SLC14A2: variants seen among roughly 807,000 people sequenced by gnomAD.
SLC14A2 encodes the protein solute carrier family 14 member 2.
A neutral mutation model predicts 104.6 loss-of-function variants in SLC14A2; 91 were observed. The observed-to-expected ratio is 0.87, with a 90% CI of 0.73 to 1.04. The LOEUF (loss-of-function observed/expected upper bound fraction) is 1.04. SLC14A2 is among the 50% of genes least tolerant of loss of function. The pLI is 0.00. For synonymous variants in SLC14A2, 476 were observed against 466.4 expected (o/e 1.02, Z -0.27); for missense variants, 1,189 against 1,156.0 (o/e 1.03, Z -0.41).
intron 2 of SLC14A2, among the ~76,000 whole-genome samples, chr18:45,537,625 A>T (rs2043814947): frequency 1.3e-5 from 2 of 152,206 alleles, no homozygotes; most frequent in African/African-American, 4.8e-5. Context: ...CTGTGAAATG[A>T]GGAAGCCATT....
At chr18:45,269,810 A>G (rs951554247) in intron 1 of SLC14A2, among the ~76,000 whole-genome samples, 1 of 152,220 alleles carries the variant, frequency 6.6e-6, no homozygotes, top group African/African-American at 2.4e-5. Context: ...GTTTGAGTCC[A>G]ACTGTATGAA....
intron 1 of SLC14A2, among the ~76,000 whole-genome samples, chr18:45,362,933 TGAG>T (rs2085627341): frequency 6.6e-6 from 1 of 152,072 alleles, no homozygotes; most frequent in South Asian, 2.1e-4. Flanking sequence ...AGATCTGCCA[TGAG>T]ACTGGAGCTC....
intron 1 of SLC14A2, among the ~76,000 whole-genome samples, chr18:45,295,920 G>T (rs532299369): frequency 2.0e-5 from 3 of 152,204 alleles, no homozygotes; most frequent in East Asian, 1.9e-4. Flanking sequence ...GACCTCAAGA[G>T]GCTGTTGTGA....
At chr18:45,583,625 C>A (rs1024139455) in intron 2 of SLC14A2, among the ~76,000 whole-genome samples, 17 of 151,892 alleles carry the variant, frequency 1.1e-4, no homozygotes, top group African/African-American at 4.1e-4. Flanking sequence ...AAGAAAGCAC[C>A]CAAAACTCCC....
At position 45,569,494 on chromosome 18, in the gene SLC14A2, A is replaced by G. The variant is rs940240995; in HGVS notation, c.-34-55137A>G. Among the ~76,000 whole-genome samples, 6 of 152,370 alleles carry G rather than the reference A, an allele frequency of 3.9e-5. 1 individual carries two copies. Among genetic ancestry groups the G allele is most frequent in the Admixed American group, 6.5e-5 (1 of 15,308 alleles). On this transcript the variant is annotated intron_variant, in intron 2 of 20. Transcript: ENST00000586448. ...TTAGAGATCCAATGCCATAAAAAGC[A>G]ACTCAAGGTATATTTAATTCAGACT...
At chr18:45,495,393 AT>A (rs2144742785) in intron 2 of SLC14A2, among the ~76,000 whole-genome samples, 2 of 152,330 alleles carry the variant, frequency 1.3e-5, no homozygotes, top group African/African-American at 4.8e-5. Flanking sequence ...GCATATTTCT[AT>A]TTTAAATTAA....
At chr18:45,352,060 A>G (rs531792501) in intron 1 of SLC14A2, among the ~76,000 whole-genome samples, 13 of 152,196 alleles carry the variant, frequency 8.5e-5, no homozygotes, top group Non-Finnish European at 1.8e-4. Context: ...AGTCGTGGAC[A>G]GGGCTGTGGT....
At chr18:45,410,977 A>G (rs2086208958) in intron 1 of SLC14A2, among the ~76,000 whole-genome samples, 1 of 152,222 alleles carries the variant, frequency 6.6e-6, no homozygotes, top group Non-Finnish European at 1.5e-5. Context: ...GATGGACCCT[A>G]GGTTCTATTT....
intron 1 of SLC14A2, among the ~76,000 whole-genome samples, chr18:45,617,895 G>A (rs943877261): frequency 2.0e-5 from 3 of 152,194 alleles, no homozygotes; most frequent in East Asian, 3.9e-4. Flanking sequence ...AGAGTCTGGG[G>A]TTGTGTTTGG....
chr18:45,560,709 T>C (rs959456070), intron 2 of SLC14A2, among the ~76,000 whole-genome samples: 1 of 152,192 alleles, frequency 6.6e-6, no homozygotes, highest in African/African-American at 2.4e-5. Context: ...CTTGATCTTC[T>C]CTGAAATGAA....
intron 1 of SLC14A2, among the ~76,000 whole-genome samples, chr18:45,452,011 T>A (rs994745700): frequency 4.0e-5 from 6 of 151,852 alleles, no homozygotes; most frequent in Non-Finnish European, 8.8e-5. Flanking sequence ...AGACAAATCA[T>A]CTTTCAATGC....
intron 1 of SLC14A2, among the ~76,000 whole-genome samples, chr18:45,285,674 C>G (rs965704211): frequency 8.4e-6 from 1 of 119,616 alleles, no homozygotes; most frequent in Non-Finnish European, 1.9e-5. Context: ...CCCCCCCCCC[C>G]TCGGCCTCCC....
intron 1 of SLC14A2, among the ~76,000 whole-genome samples, chr18:45,236,305 G>GTA (rs778102238): frequency 1.4e-3 from 45 of 33,014 alleles, no homozygotes; most frequent in Admixed American, 2.2e-3. Context: ...ATGTATGTGT[G>GTA]TATATGTGTA....
intron 1 of SLC14A2, among the ~76,000 whole-genome samples, chr18:45,395,512 CACAG>C (rs2086019618): frequency 6.6e-6 from 1 of 152,192 alleles, no homozygotes; most frequent in Non-Finnish European, 1.5e-5. Context: ...CTGTTCTGTA[CACAG>C]ACAAATTTGT....
upstream of SLC14A2, among the ~76,000 whole-genome samples, chr18:45,610,619 G>C (rs1020859292): frequency 6.6e-6 from 1 of 152,162 alleles, no homozygotes; most frequent in Non-Finnish European, 1.5e-5. Context: ...GAACTAAAAG[G>C]AACCCCTGTC....
chr18:45,183,101 A>G, the SLC14A2 span, among the ~76,000 whole-genome samples: 1 of 152,180 alleles, frequency 6.6e-6, no homozygotes, highest in African/African-American at 2.4e-5. Context: ...ATCTGTTCAT[A>G]AGCCCAAGTG....
At chr18:45,548,419 T>C (rs2044006458) in intron 2 of SLC14A2, among the ~76,000 whole-genome samples, 1 of 152,196 alleles carries the variant, frequency 6.6e-6, no homozygotes, top group South Asian at 2.1e-4. Context: ...TAATCACAAA[T>C]TTGGCAGGGC....
At chr18:45,589,645 G>T (rs902949624) in intron 2 of SLC14A2, among the ~76,000 whole-genome samples, 3 of 152,084 alleles carry the variant, frequency 2.0e-5, no homozygotes, top group Non-Finnish European at 4.4e-5. Flanking sequence ...CCAGATGCAG[G>T]GCTTCAGCCT....
At chr18:45,337,530 G>A (rs1037474692) in intron 1 of SLC14A2, among the ~76,000 whole-genome samples, 14 of 152,200 alleles carry the variant, frequency 9.2e-5, no homozygotes, top group Admixed American at 7.9e-4. Flanking sequence ...CGCATTCTGG[G>A]CCAAGAGAAC....
Sources: allele counts gnomAD v4.1 joint callset (sites outside exome capture counted in the v4.1 genomes callset), GRCh38; gene constraint gnomAD v4.1.1; transcripts MANE v1.5; gene names NCBI Gene and HGNC (gene_info 2026-07-23, HGNC 2026-07-21).